The following DLC1 variants were observed in gnomAD, a reference collection of about 807,000 sequenced individuals.
DLC1 encodes the protein rho GTPase-activating protein 7.
In DLC1, 54 loss-of-function variants were observed where a neutral mutation model predicts 140.3. The observed-to-expected ratio is 0.38, with a 90% CI of 0.31 to 0.48. The LOEUF (loss-of-function observed/expected upper bound fraction) is 0.48. Ranked by LOEUF, DLC1 falls within the 20% of genes least tolerant of loss-of-function variation. DLC1 has a pLI of 0.96. For synonymous variants in DLC1, 986 were observed against 728.1 expected (o/e 1.35, Z -5.70); for missense variants, 2,536 against 1,907.0 (o/e 1.33, Z -6.14).
intron 5 of DLC1, among the ~76,000 whole-genome samples, chr8:13,298,811 A>G (rs2117493007): frequency 6.6e-6 from 1 of 152,306 alleles, no homozygotes; most frequent in African/African-American, 2.4e-5. Context: ...AAACATCTGC[A>G]TCAAGCAATA....
chr8:13,188,801 GTATATATATATATATATATATA>G (rs1237501850), intron 5 of DLC1, among the ~76,000 whole-genome samples: 963 of 71,814 alleles, frequency 0.013, 8 homozygotes, highest in South Asian at 0.053. Flanking sequence ...GTGTGTGTGT[GTATATATATATATATATATATA>G]TATGTATATA....
intron 2 of DLC1, among the ~76,000 whole-genome samples, chr8:13,481,337 G>C (rs1223304434): frequency 2.0e-5 from 3 of 152,152 alleles, no homozygotes; most frequent in Non-Finnish European, 4.4e-5. Context: ...TTAGGTGGGA[G>C]AATCACCTGA....
intron 3 of DLC1, among the ~76,000 whole-genome samples, chr8:13,399,108 A>G (rs1837180253): frequency 1.3e-5 from 2 of 152,138 alleles, no homozygotes; most frequent in African/African-American, 2.4e-5. Flanking sequence ...GAACTTCCCT[A>G]CGGTATCAGT....
intron 1 of DLC1, among the ~76,000 whole-genome samples, chr8:13,504,761 A>G (rs1801977702): frequency 6.6e-6 from 1 of 152,216 alleles, no homozygotes; most frequent in Admixed American, 6.5e-5. Flanking sequence ...TTAAAATTAT[A>G]TGAAAAGTCT....
chr8:13,189,263 T>C (rs28664801), intron 5 of DLC1, among the ~76,000 whole-genome samples: 5,078 of 152,270 alleles, frequency 0.033, 285 homozygotes, highest in African/African-American at 0.12. Context: ...GAACCATTTG[T>C]TTTAAACTCT....
rs1027418827 is a variant in DLC1, at chr8:13,233,270, G to T, written c.1348+71999C>A. Among the ~76,000 whole-genome samples the T allele has an allele frequency of 2.5e-5, 3 of 119,478 alleles. No homozygotes were observed. The South Asian group carries it at 8.4e-4, about 34-fold the overall frequency. The allele number at this position is 119,478 out of a possible 152,430, so 78.4% of individuals were successfully genotyped here. A position where few individuals can be genotyped will look rare whatever the true frequency, so the allele number is the denominator to read the frequency against. ...AGATCATGCCACTACACTCCAGCCT[G>T]GGCGATAGAATAAGACTCTGTATAA... On this transcript the variant is annotated intron_variant, in intron 5 of 17. Transcript: ENST00000276297.
intron 4 of DLC1, among the ~76,000 whole-genome samples, chr8:13,328,072 G>A (rs556132644): frequency 1.1e-4 from 16 of 152,218 alleles, no homozygotes; most frequent in Admixed American, 1.0e-3. Context: ...ATGGAAAAGG[G>A]AGCACAAGAT....
chr8:13,503,608 C>A (rs1304116209), intron 1 of DLC1, among the ~76,000 whole-genome samples: 1 of 152,122 alleles, frequency 6.6e-6, no homozygotes, highest in Admixed American at 6.6e-5. Flanking sequence ...ATTCTACAGC[C>A]TGAGAGAGCA....
At chr8:13,188,350 T>G (rs1463309975) in intron 5 of DLC1, among the ~76,000 whole-genome samples, 1 of 138,012 alleles carries the variant, frequency 7.2e-6, no homozygotes, top group Non-Finnish European at 1.5e-5. Context: ...TTAGTAAATT[T>G]CTAACTAAAA....
At chr8:13,176,588 A>C (rs535561780) in intron 5 of DLC1, among the ~76,000 whole-genome samples, 1 of 152,160 alleles carries the variant, frequency 6.6e-6, no homozygotes, top group African/African-American at 2.4e-5. Context: ...CAAACAAACA[A>C]ACACACAAAA....
In DLC1 at chr8:13,090,265, A is replaced by C; in HGVS notation, c.4061T>G (p.Leu1354Arg). 6.2e-7 allele frequency: 1 copy of C among 1,614,090 alleles called. No individual in the cohort carries two copies. The highest frequency in any genetic ancestry group is 8.5e-7 in the Non-Finnish European group (1 of 1,179,992). The stretch of plus-strand genomic sequence containing the variant: ...GTGAAGCCTTACCTTCTTATAGGAC[A>C]GCTCAGCCTGCTCCGAAGTGGAGTA... ...VSYSTSEQAE[L>R]SYKKVSEGPP... is the part of the protein sequence containing the mutation. The change falls in exon 15 of 18, where the codon CTG (leucine) becomes CGG (arginine). Residue 1354 changes from leucine to arginine, a missense_variant. Leu to Arg is a moderately radical substitution (Grantham distance 102, BLOSUM62 -2). Transcript: ENST00000276297.
intron 2 of DLC1, among the ~76,000 whole-genome samples, chr8:13,433,848 G>GTTTT (rs1838993646): frequency 6.6e-6 from 1 of 152,070 alleles, no homozygotes; most frequent in Non-Finnish European, 1.5e-5. Flanking sequence ...TTGTTTGTTT[G>GTTTT]TTTTGGTTTG....
intron 5 of DLC1, among the ~76,000 whole-genome samples, chr8:13,147,547 T>G (rs1299353435): frequency 6.6e-6 from 1 of 152,156 alleles, no homozygotes; most frequent in African/African-American, 2.4e-5. Flanking sequence ...GGCACTCTTA[T>G]CTGGAATTTA....
chr8:13,413,139 G>C (rs2117306494), intron 2 of DLC1, among the ~76,000 whole-genome samples: 1 of 151,810 alleles, frequency 6.6e-6, no homozygotes, highest in East Asian at 1.9e-4. Flanking sequence ...GCTAAGTAGG[G>C]AAAGAAAGGT....
intron 2 of DLC1, among the ~76,000 whole-genome samples, chr8:13,475,561 T>C (rs1158364982): frequency 2.0e-5 from 3 of 152,160 alleles, no homozygotes; most frequent in Non-Finnish European, 2.9e-5. Context: ...ATAGCGACCA[T>C]AGAAAATATA....
chr8:13,343,065 C>G (rs181671331), intron 4 of DLC1, among the ~76,000 whole-genome samples: 1 of 152,148 alleles, frequency 6.6e-6, no homozygotes, highest in African/African-American at 2.4e-5. Flanking sequence ...TATTGAAAAG[C>G]AGAGATACTT....
At chr8:13,369,273 C>A (rs1835626613) in intron 4 of DLC1, among the ~76,000 whole-genome samples, 1 of 148,812 alleles carries the variant, frequency 6.7e-6, no homozygotes, top group Non-Finnish European at 1.5e-5. Flanking sequence ...TTTGGTTGAA[C>A]TTCTAATAGA....
chr8:13,571,936 C>T lies in DLC1; in HGVS notation c.-126+32601G>A, dbSNP rs80073694. ...GGAGTGGCATCTCATTGTACTTTGA[C>T]TTATAATTTCCAAATCCCTAATGAT... On this transcript the variant is annotated intron_variant, in intron 1 of 1. Transcript: ENST00000631382. Among the ~76,000 whole-genome samples the T allele has an allele frequency of 9.3e-3, 1,417 of 152,178 alleles. 27 individuals are homozygous for T. Among genetic ancestry groups the T allele is most frequent in the African/African-American group, 0.033 (1,350 of 41,528 alleles).
At chr8:13,522,634 A>T (rs1013222068) in intron 1 of DLC1, among the ~76,000 whole-genome samples, 4 of 152,104 alleles carry the variant, frequency 2.6e-5, no homozygotes, top group African/African-American at 9.7e-5. Context: ...TCAAAAATAA[A>T]TAAATAAACA....
Sources: gnomAD v4.1 joint callset for allele counts (sites outside exome capture counted in the v4.1 genomes callset) on GRCh38, gnomAD v4.1.1 for gene constraint, MANE v1.5 for transcripts, NCBI Gene and HGNC (gene_info 2026-07-23, HGNC 2026-07-21) for gene names.